Variants in MYO9B observed in about 807,000 individuals in gnomAD.
The protein encoded by MYO9B is myosin IXB, also known as unconventional myosin-IXb.
MYO9B carries 71 observed loss-of-function variants against 229.5 expected under a neutral mutation model. The observed-to-expected ratio is 0.31, with a 90% CI of 0.26 to 0.38. The LOEUF (loss-of-function observed/expected upper bound fraction) is 0.38, where lower values mean the gene tolerates loss of function less well. Ranked by LOEUF, MYO9B falls within the 10% of genes least tolerant of loss-of-function variation. The probability of loss-of-function intolerance (pLI) is 1.00; values close to 1 mark genes in which losing one functional copy is unlikely to be tolerated. For missense variants in MYO9B, 2,255 were observed against 2,920.5 expected (o/e 0.77, Z 5.25); for synonymous variants, 1,185 against 1,235.8 (o/e 0.96, Z 0.86).
At chr19:17,189,720 G>A (rs4808589) in intron 19 of MYO9B, among the ~76,000 whole-genome samples, 80,973 of 151,806 alleles carry the variant, frequency 0.53, 23,411 homozygotes, top group East Asian at 0.74. Flanking sequence ...CAGCCACCTC[G>A]ACCATCTAAA....
intron 2 of MYO9B, chr19:17,103,386 G>A (rs1328251389): frequency 6.6e-6 from 1 of 152,366 alleles, no homozygotes; most frequent in Non-Finnish European, 1.5e-5. Flanking sequence ...TCATCAGGAG[G>A]CTGAGGGAGA....
intron 8 of MYO9B, 74 bp from the exon 9 acceptor site, chr19:17,162,276 G>T: frequency 7.8e-7 from 1 of 1,283,424 alleles, no homozygotes; most frequent in Admixed American, 2.0e-5. Flanking sequence ...CTGCACTCCA[G>T]CCTGGATGAC....
In MYO9B at chr19:17,103,981, G is replaced by A. The variant is rs796792164; in HGVS notation, c.840+1424G>A. 7.0e-4 allele frequency among the ~76,000 whole-genome samples: 106 copies of A among 151,764 alleles called. 1 individual carries two copies. Among genetic ancestry groups the A allele is most frequent in the African/African-American group, 2.3e-3 (96 of 41,350 alleles). On this transcript the variant is annotated intron_variant, in intron 2 of 39. Transcript: ENST00000682292. ...TGAGGCAGGAGAATCGCTTGAACCCGGTAGGTGGAGGTTGCAGTGAGCCAA... is the reference window on the plus strand; with the variant it reads ...TGAGGCAGGAGAATCGCTTGAACCCAGTAGGTGGAGGTTGCAGTGAGCCAA...
intron 13 of MYO9B, among the ~76,000 whole-genome samples, chr19:17,175,301 G>A (rs1195213876): frequency 6.7e-6 from 1 of 149,640 alleles, no homozygotes; most frequent in African/African-American, 2.5e-5. Context: ...AAAAAAGGTT[G>A]GGGGGTGTTG....
At chr19:17,132,105 G>C (rs900630850) in intron 2 of MYO9B, among the ~76,000 whole-genome samples, 7 of 150,284 alleles carry the variant, frequency 4.7e-5, no homozygotes, top group Non-Finnish European at 1.0e-4. Context: ...CTGGGCTCAA[G>C]TGATCTCCTG....
chr19:17,168,214 G>C, intron 11 of MYO9B, 150 bp downstream of exon 11: 2 of 1,158,310 alleles, frequency 1.7e-6, no homozygotes, highest in Non-Finnish European at 2.4e-6. Flanking sequence ...ACCCAGGCTG[G>C]AGTGTAGTGG....
intron 22 of MYO9B, among the ~76,000 whole-genome samples, chr19:17,197,441 T>C (rs1474219615): frequency 6.6e-6 from 1 of 152,000 alleles, no homozygotes; most frequent in Non-Finnish European, 1.5e-5. Context: ...GATAGATAGA[T>C]AGATAGATAC....
In MYO9B at chr19:17,101,717, G is replaced by C. The variant is rs1216215587; in HGVS notation, c.-1G>C. On this transcript the variant is annotated 5_prime_UTR_variant, in exon 2 of 40. Transcript: ENST00000682292. The surrounding 1 kb of genome is among the most constrained non-coding windows in gnomAD (Gnocchi z 4.7). ...CATGCTGAAGCCAGGCGGCCGGCAG[G>C]ATGAGTGTGAAAGAGGCAGGCAGCT... The C allele has an allele frequency of 6.4e-7, 1 of 1,569,228 alleles. No homozygotes were observed. The highest frequency in any genetic ancestry group is 1.4e-5 in the African/African-American group (1 of 73,862).
intron 1 of MYO9B, among the ~76,000 whole-genome samples, chr19:17,078,015 T>C (rs2057502215): frequency 6.6e-6 from 1 of 152,166 alleles, no homozygotes; most frequent in African/African-American, 2.4e-5. Context: ...GAATCTCCCC[T>C]TTCTGTTTGG....
chr19:17,211,833 G>C, intron 39 of MYO9B, 59 bp downstream of exon 39: 1 of 1,609,192 alleles, frequency 6.2e-7, no homozygotes, highest in African/African-American at 1.3e-5. Flanking sequence ...AGGCCCCAGG[G>C]CGAGGGTCCT....
At chr19:17,211,545 G>A (rs2073229337) in intron 38 of MYO9B, 102 bp from the exon 39 acceptor site, 2 of 1,143,866 alleles carry the variant, frequency 1.7e-6, no homozygotes, top group South Asian at 1.6e-5. Context: ...GGAGGTTGGG[G>A]ACACAGAGTT....
intron 1 of MYO9B, among the ~76,000 whole-genome samples, chr19:17,082,544 G>A (rs1415593172): frequency 6.6e-6 from 1 of 152,120 alleles, no homozygotes; most frequent in Non-Finnish European, 1.5e-5. Context: ...GAGATCGGGG[G>A]CAGGAGGGTG....
At chr19:17,167,473 ATTTTT>A (rs36062777) in intron 10 of MYO9B, among the ~76,000 whole-genome samples, 2,045 of 117,414 alleles carry the variant, frequency 0.017, 47 homozygotes, top group African/African-American at 0.063. Flanking sequence ...TATTAGAGCT[ATTTTT>A]TTTTTTTTTT....
intron 2 of MYO9B, among the ~76,000 whole-genome samples, chr19:17,115,573 A>G (rs569768524): frequency 3.3e-5 from 5 of 151,124 alleles, no homozygotes; most frequent in African/African-American, 1.2e-4. Flanking sequence ...GGTTCAAGCA[A>G]TTCTCCTGCT....
intron 1 of MYO9B, among the ~76,000 whole-genome samples, chr19:17,079,019 A>C (rs2057511164): frequency 6.6e-6 from 1 of 152,236 alleles, no homozygotes; most frequent in Non-Finnish European, 1.5e-5. Flanking sequence ...AGAATGTGGA[A>C]TAGTGTCCCT....
Position 17,185,784 on chromosome 19 carries a change from C to T in MYO9B, c.2497-137C>T, listed in dbSNP as rs189553887. The T allele has an allele frequency of 9.5e-4, 613 of 644,010 alleles. 3 individuals carry two copies. Among genetic ancestry groups the T allele is most frequent in the Middle Eastern group, 2.4e-3 (6 of 2,520 alleles). 39.9% of individuals were successfully genotyped at this position (644,010 alleles called of 1,614,324 possible). ...AACGTCCAGCTGGAACCTCCTGTGT[C>T]CCACCACCAGGGACCCACATCTGTG... On this transcript the variant is annotated intron_variant, in intron 17 of 39. Transcript: ENST00000682292.
intron 2 of MYO9B, among the ~76,000 whole-genome samples, chr19:17,111,482 G>A (rs1248236960): frequency 6.6e-6 from 1 of 152,104 alleles, no homozygotes; most frequent in Non-Finnish European, 1.5e-5. Context: ...TTATAAATCT[G>A]TAAATTAAAT....
intron 16 of MYO9B, 22 bp downstream of exon 16, chr19:17,183,890 G>T: frequency 1.3e-6 from 2 of 1,552,116 alleles, no homozygotes; most frequent in South Asian, 1.2e-5. Context: ...AACACACCCC[G>T]CGCGACACGT....
In MYO9B at chr19:17,172,726, C is replaced by A. The variant is rs372611696; in HGVS notation, c.1936-33C>A. On this transcript the variant is annotated intron_variant, in intron 12 of 39. Coordinates refer to ENST00000682292, the MANE Select transcript of MYO9B (RefSeq NM_004145.4). This position sits in a 1 kb window ranked among gnomAD's most constrained non-coding sequence, Gnocchi z 8.2. ...TGGTAGGCGCCGGTGAGTGACTATCCCCGAGTGACCGCCCACATCCATCCC... is the reference window on the plus strand; with the variant it reads ...TGGTAGGCGCCGGTGAGTGACTATCACCGAGTGACCGCCCACATCCATCCC... The A allele has an allele frequency of 1.2e-6, 2 of 1,609,316 alleles. No homozygotes were observed. The highest frequency in any genetic ancestry group is 1.1e-5 in the South Asian group (1 of 91,002).
Sources: allele counts gnomAD v4.1 joint callset (sites outside exome capture counted in the v4.1 genomes callset), GRCh38; gene constraint gnomAD v4.1.1; non-coding constraint Gnocchi (gnomAD v3.1); transcripts MANE v1.5; gene names NCBI Gene and HGNC (gene_info 2026-07-23, HGNC 2026-07-21).